Variants in NEBL observed in about 807,000 individuals in gnomAD.
NEBL encodes nebulette.
In NEBL, 122 loss-of-function variants were observed where a neutral mutation model predicts 140.2. The observed-to-expected ratio is 0.87, with a 90% CI of 0.75 to 1.01. The LOEUF (loss-of-function observed/expected upper bound fraction) is 1.01, where lower values mean the gene tolerates loss of function less well. Among genes scored for constraint, NEBL ranks in the 50% least tolerant of loss-of-function variants. NEBL has a pLI of 0.00. For synonymous variants in NEBL, 436 were observed against 398.9 expected (o/e 1.09, Z -1.11); for missense variants, 1,365 against 1,231.3 (o/e 1.11, Z -1.62).
chr10:20,795,526 A>G (rs552932236), intron 26 of NEBL, among the ~76,000 whole-genome samples: 1 of 151,872 alleles, frequency 6.6e-6, no homozygotes, highest in African/African-American at 2.4e-5. Flanking sequence ...TTAGCATCTG[A>G]CAAGTCTCTG....
rs570224652 is a variant in NEBL, at chr10:21,096,997, A to T, written c.164+75386T>A. Among the ~76,000 whole-genome samples, 8 of 152,184 alleles carry T rather than the reference A, an allele frequency of 5.3e-5. 1 individual carries two copies. The highest frequency in any genetic ancestry group is 1.9e-4 in the African/African-American group (8 of 41,532). On this transcript the variant is annotated intron_variant, in intron 2 of 6. Coordinates refer to the NEBL transcript ENST00000417816. The stretch of plus-strand genomic sequence containing the variant: ...TCTCCAAGGCATCCTTAAAAAAAAA[A>T]GGTAATATTTCCTGGCTTATATTTT...
At chr10:21,167,070 G>C (rs1240003795) in intron 2 of NEBL, among the ~76,000 whole-genome samples, 2 of 152,276 alleles carry the variant, frequency 1.3e-5, no homozygotes, top group African/African-American at 4.8e-5. Flanking sequence ...ACTCAACAGG[G>C]GCCGGCAGAA....
intron 4 of NEBL, among the ~76,000 whole-genome samples, chr10:20,954,232 A>G (rs558689112): frequency 3.3e-5 from 5 of 152,360 alleles, no homozygotes; most frequent in Non-Finnish European, 5.9e-5. Flanking sequence ...TAGAACTCCT[A>G]GTAATAATCT....
intron 2 of NEBL, among the ~76,000 whole-genome samples, chr10:21,051,035 CCTT>C (rs1834755310): frequency 6.6e-6 from 1 of 152,140 alleles, no homozygotes; most frequent in African/African-American, 2.4e-5. Context: ...TACAGAATAT[CCTT>C]CTTCTTTAGA....
At chr10:21,022,381 G>A (rs528652539) in intron 2 of NEBL, among the ~76,000 whole-genome samples, 8 of 152,166 alleles carry the variant, frequency 5.3e-5, no homozygotes, top group African/African-American at 1.7e-4. Flanking sequence ...ATCATTTGTC[G>A]GTGCAGATAA....
chr10:20,893,324 G>A (rs1847185068), intron 2 of NEBL, among the ~76,000 whole-genome samples: 1 of 152,134 alleles, frequency 6.6e-6, no homozygotes, highest in Admixed American at 6.5e-5. Flanking sequence ...TAGACTAACA[G>A]GAATAAATAT....
intron 3 of NEBL, among the ~76,000 whole-genome samples, chr10:21,184,639 A>G (rs1841436410): frequency 6.6e-6 from 1 of 152,230 alleles, no homozygotes; most frequent in Non-Finnish European, 1.5e-5. Flanking sequence ...TCCAATAAAA[A>G]TAGGTATCAA....
At chr10:21,022,386 A>G (rs1022938696) in intron 2 of NEBL, among the ~76,000 whole-genome samples, 2 of 152,344 alleles carry the variant, frequency 1.3e-5, no homozygotes, top group East Asian at 3.9e-4. Flanking sequence ...TTGTCGGTGC[A>G]GATAAAGCCT....
At chr10:21,075,831 A>G (rs1156456109) in intron 2 of NEBL, among the ~76,000 whole-genome samples, 1 of 152,186 alleles carries the variant, frequency 6.6e-6, no homozygotes, top group Non-Finnish European at 1.5e-5. Flanking sequence ...ACAACTCAAC[A>G]ACAAAATAAC....
intron 2 of NEBL, among the ~76,000 whole-genome samples, chr10:21,251,026 T>C (rs7917063): frequency 0.3 from 46,127 of 152,118 alleles, 8,513 homozygotes; most frequent in African/African-American, 0.52. Context: ...GAAGTACTTT[T>C]TGATGAATTG....
chr10:21,019,794 T>G (rs1471151712), intron 3 of NEBL, among the ~76,000 whole-genome samples: 1 of 152,166 alleles, frequency 6.6e-6, no homozygotes, highest in East Asian at 1.9e-4. Flanking sequence ...ACATATGCGG[T>G]GTGGAAAAGC....
chr10:21,181,596 G>A (rs977663496), intron 3 of NEBL, among the ~76,000 whole-genome samples: 3 of 152,160 alleles, frequency 2.0e-5, no homozygotes, highest in East Asian at 1.9e-4. Flanking sequence ...TCAGCTGAGC[G>A]GCCTGCATTA....
At chr10:21,091,304 A>C (rs566479383) in intron 2 of NEBL, among the ~76,000 whole-genome samples, 1 of 152,330 alleles carries the variant, frequency 6.6e-6, no homozygotes, top group South Asian at 2.1e-4. Flanking sequence ...CTGCCAGAAC[A>C]TTTGAACTTG....
intron 2 of NEBL, among the ~76,000 whole-genome samples, chr10:21,094,676 C>G (rs925714719): frequency 2.6e-5 from 4 of 151,964 alleles, no homozygotes; most frequent in Non-Finnish European, 5.9e-5. Flanking sequence ...TTGGAAGAAA[C>G]AAAAAAGGCT....
chr10:21,029,012 C>A, intron 2 of NEBL: 1 of 718,620 alleles, frequency 1.4e-6, no homozygotes, highest in Non-Finnish European at 2.3e-6. Context: ...GCGGCCTCAG[C>A]AAAAAAGACG....
chr10:21,150,314 T>C (rs1840090058), intron 2 of NEBL, among the ~76,000 whole-genome samples: 1 of 152,342 alleles, frequency 6.6e-6, no homozygotes, highest in Admixed American at 6.5e-5. Context: ...TGACAAATTC[T>C]GCTCAGAACA....
At chr10:21,005,410 A>G (rs1017113084) in intron 3 of NEBL, among the ~76,000 whole-genome samples, 3 of 152,192 alleles carry the variant, frequency 2.0e-5, no homozygotes, top group Non-Finnish European at 2.9e-5. Context: ...AAACAGTAAA[A>G]TTTAAAATGT....
chr10:21,292,883 A>T (rs991635662), exon 1 of NEBL, among the ~76,000 whole-genome samples: 2 of 152,244 alleles, frequency 1.3e-5, no homozygotes, highest in African/African-American at 4.8e-5. Context: ...TTCCAGAATC[A>T]AAGAGAACCG....
At chr10:21,028,858 T>A in intron 2 of NEBL, 1 of 317,670 alleles carries the variant, frequency 3.1e-6, no homozygotes. Context: ...AACAATTCAA[T>A]AATCATAAAA....
Sources: allele counts gnomAD v4.1 joint callset (sites outside exome capture counted in the v4.1 genomes callset), GRCh38; gene constraint gnomAD v4.1.1; transcripts MANE v1.5; gene names NCBI Gene and HGNC (gene_info 2026-07-23, HGNC 2026-07-21).